DPYD: variants seen among roughly 807,000 people sequenced by gnomAD.
The protein encoded by DPYD is dihydropyrimidine dehydrogenase.
DPYD carries 109 observed loss-of-function variants against 116.2 expected under a neutral mutation model. The observed-to-expected ratio is 0.94, with a 90% CI of 0.80 to 1.10. The LOEUF is 1.10. Ranked by LOEUF, DPYD falls within the 50% of genes least tolerant of loss-of-function variation. The probability of loss-of-function intolerance (pLI) is 0.00; values close to 1 mark genes in which losing one functional copy is unlikely to be tolerated. For missense variants in DPYD, 1,302 were observed against 1,254.5 expected, an observed-to-expected ratio of 1.04 and a Z score of -0.57; for synonymous variants, 440 against 432.0, an observed-to-expected ratio of 1.02 and a Z score of -0.23.
At chr1:97,534,173 A>G (rs1478344175) in intron 12 of DPYD, among the ~76,000 whole-genome samples, 1 of 152,212 alleles carries the variant, frequency 6.6e-6, no homozygotes, top group African/African-American at 2.4e-5. Context: ...TTCTAGGGAT[A>G]CAACAGAGAA....
intron 14 of DPYD, among the ~76,000 whole-genome samples, chr1:97,406,367 C>A (rs1374980507): frequency 2.8e-5 from 4 of 143,670 alleles, no homozygotes; most frequent in South Asian, 2.3e-4. Context: ...TTAAAATATT[C>A]TTTTTCTTCA....
At position 97,608,946 on chromosome 1, in the gene DPYD, C is replaced by A. The variant is rs548104208; in HGVS notation, c.851-13780G>T. On this transcript the variant is annotated intron_variant, in intron 8 of 22. Coordinates refer to ENST00000370192, the MANE Select transcript of DPYD (RefSeq NM_000110.4). Reference sequence around the variant, plus strand: ...TTCACTGTAAACTATATAATACATACCAATTCACGAATTATACTAACATCT... The same window carrying A: ...TTCACTGTAAACTATATAATACATAACAATTCACGAATTATACTAACATCT... Among the ~76,000 whole-genome samples the A allele has an allele frequency of 2.2e-4, 33 of 151,866 alleles. No individual in the cohort carries two copies. In the South Asian group the frequency reaches 6.4e-3, roughly 30 times the overall value.
intron 3 of DPYD, among the ~76,000 whole-genome samples, chr1:97,791,103 G>C (rs1367424524): frequency 6.6e-6 from 1 of 152,090 alleles, no homozygotes; most frequent in Admixed American, 6.6e-5. Context: ...AAGACATCAG[G>C]ATTACCCACA....
At chr1:97,785,418 T>A (rs1185326532) in intron 3 of DPYD, among the ~76,000 whole-genome samples, 1 of 152,164 alleles carries the variant, frequency 6.6e-6, no homozygotes. Context: ...ATTATTCAAT[T>A]TGAATATATA....
At chr1:97,693,019 G>A (rs555868862) in intron 6 of DPYD, among the ~76,000 whole-genome samples, 1 of 151,836 alleles carries the variant, frequency 6.6e-6, no homozygotes, top group South Asian at 2.1e-4. Flanking sequence ...AGGTATCCGC[G>A]GTGGCTCACG....
intron 13 of DPYD, among the ~76,000 whole-genome samples, chr1:97,458,556 A>G (rs1410241713): frequency 6.6e-6 from 1 of 152,218 alleles, no homozygotes. Flanking sequence ...CTGGTGGCCT[A>G]TAAACTGAGT....
At position 97,168,890 on chromosome 1, in the gene DPYD, A is replaced by G. The variant is rs572788863; in HGVS notation, c.2622+24179T>C. Among the ~76,000 whole-genome samples, 5 of 148,972 alleles carry G rather than the reference A, an allele frequency of 3.4e-5. No homozygotes were observed. In the South Asian group the frequency reaches 8.6e-4, roughly 25 times the overall value. ...GAGACAGAGTCTCACTCTGTCACCCAGGCTGCAGTGCATTGGCATGATCGC... is the reference window on the plus strand; with the variant it reads ...GAGACAGAGTCTCACTCTGTCACCCGGGCTGCAGTGCATTGGCATGATCGC... On this transcript the variant is annotated intron_variant, in intron 20 of 22. Coordinates refer to ENST00000370192, the MANE Select transcript of DPYD (RefSeq NM_000110.4).
intron 13 of DPYD, among the ~76,000 whole-genome samples, chr1:97,493,617 A>T (rs1391662118): frequency 6.6e-6 from 1 of 151,430 alleles, no homozygotes; most frequent in East Asian, 1.9e-4. Context: ...ACTGGAGGGA[A>T]GACTAGGGAG....
At chr1:97,232,999 TAA>T (rs1241759009) in intron 19 of DPYD, among the ~76,000 whole-genome samples, 2 of 152,220 alleles carry the variant, frequency 1.3e-5, no homozygotes, top group Non-Finnish European at 2.9e-5. Context: ...GGTATAATAT[TAA>T]GAGACTCTTG....
At chr1:97,617,143 C>G (rs1028610679) in intron 8 of DPYD, among the ~76,000 whole-genome samples, 9 of 152,114 alleles carry the variant, frequency 5.9e-5, no homozygotes, top group African/African-American at 2.2e-4. Context: ...ATCTAATTCC[C>G]ACATATTCAG....
intron 13 of DPYD, among the ~76,000 whole-genome samples, chr1:97,484,487 G>C (rs1198978406): frequency 1.3e-5 from 2 of 152,110 alleles, no homozygotes; most frequent in South Asian, 2.1e-4. Flanking sequence ...GGTAAATATT[G>C]GTGCGGGTCT....
chr1:97,645,302 G>T (rs1658192334), intron 8 of DPYD, among the ~76,000 whole-genome samples: 1 of 152,132 alleles, frequency 6.6e-6, no homozygotes, highest in Non-Finnish European at 1.5e-5. Context: ...ATTTGTCAGT[G>T]TGATAGATAA....
At chr1:97,715,316 C>T (rs1372481175) in intron 5 of DPYD, among the ~76,000 whole-genome samples, 1 of 152,116 alleles carries the variant, frequency 6.6e-6, no homozygotes, top group East Asian at 1.9e-4. Flanking sequence ...TAATCACCTC[C>T]AAAACCATGT....
intron 19 of DPYD, among the ~76,000 whole-genome samples, chr1:97,199,153 C>T (rs560087151): frequency 1.3e-5 from 2 of 152,100 alleles, no homozygotes; most frequent in East Asian, 1.9e-4. Flanking sequence ...TGGAGATTTA[C>T]GTCTTCAAAA....
intron 7 of DPYD, among the ~76,000 whole-genome samples, chr1:97,683,870 A>G (rs769125766): frequency 6.6e-6 from 1 of 152,154 alleles, no homozygotes; most frequent in Non-Finnish European, 1.5e-5. Flanking sequence ...CACGGGGGAA[A>G]AAAACCTACT....
intron 15 of DPYD, among the ~76,000 whole-genome samples, chr1:97,374,797 C>T (rs78974981): frequency 0.11 from 15,767 of 144,016 alleles, 1,080 homozygotes; most frequent in South Asian, 0.27. Flanking sequence ...AATCCTAGCA[C>T]GGTGGGAGGA....
intron 14 of DPYD, among the ~76,000 whole-genome samples, chr1:97,397,022 C>A (rs904812252): frequency 6.6e-6 from 1 of 152,180 alleles, no homozygotes; most frequent in African/African-American, 2.4e-5. Context: ...AATGTGAGAA[C>A]ATGCTAATTA....
intron 14 of DPYD, among the ~76,000 whole-genome samples, chr1:97,398,273 A>G (rs1189239317): frequency 2.6e-5 from 4 of 152,116 alleles, no homozygotes; most frequent in Admixed American, 6.6e-5. Context: ...AAATGACAGG[A>G]ACTCATTATT....
chr1:97,130,575 A>G (rs1653201301), intron 20 of DPYD, among the ~76,000 whole-genome samples: 1 of 152,090 alleles, frequency 6.6e-6, no homozygotes, highest in African/African-American at 2.4e-5. Flanking sequence ...ATACACATAG[A>G]TACTAACTCT....
Sources: gnomAD v4.1 joint callset for allele counts (sites outside exome capture counted in the v4.1 genomes callset) on GRCh38, gnomAD v4.1.1 for gene constraint, MANE v1.5 for transcripts, NCBI Gene and HGNC (gene_info 2026-07-23, HGNC 2026-07-21) for gene names.